Variants in NFATC2 observed in about 807,000 individuals in gnomAD.
The protein encoded by NFATC2 is nuclear factor of activated T cells 2, also known as nuclear factor of activated T-cells, cytoplasmic 2.
NFATC2 carries 22 observed loss-of-function variants against 87.3 expected under a neutral mutation model. That is an observed-to-expected ratio of 0.25 (90% CI 0.18 to 0.36). The LOEUF (loss-of-function observed/expected upper bound fraction) is 0.36, where lower values mean the gene tolerates loss of function less well. NFATC2 is among the 10% of genes least tolerant of loss of function. NFATC2 has a pLI of 1.00. For missense variants in NFATC2, 1,149 were observed against 1,259.1 expected (o/e 0.91, Z 1.32); for synonymous variants, 565 against 542.2 (o/e 1.04, Z -0.58).
chr20:51,398,696 G>GTTTTGTATCCAGCTAAGGTGT lies in NFATC2; in HGVS notation c.2736_2756dup (p.Gln918_Asn919insLysHisLeuSerTrpIleGln). Reference sequence around the variant, plus strand: ...TCACAGTCATTCTGTTTCATAATATGTTTTGTATCCAGCTAAGGTGTGTGT... The same window carrying GTTTTGTATCCAGCTAAGGTGT: ...TCACAGTCATTCTGTTTCATAATATGTTTTGTATCCAGCTAAGGTGTTTTTGTATCCAGCTAAGGTGTGTGT... On this transcript the variant is annotated inframe_insertion, in exon 10 of 11. Coordinates refer to ENST00000371564, the MANE Select transcript of NFATC2 (RefSeq NM_012340.5). The GTTTTGTATCCAGCTAAGGTGT allele has an allele frequency of 6.2e-7, 1 of 1,612,850 alleles. No homozygotes were observed. The highest frequency in any genetic ancestry group is 8.5e-7 in the Non-Finnish European group (1 of 1,179,428).
At chr20:51,409,917 A>G (rs1182319030) in intron 9 of NFATC2, among the ~76,000 whole-genome samples, 2 of 152,248 alleles carry the variant, frequency 1.3e-5, no homozygotes, top group Non-Finnish European at 2.9e-5. Context: ...AAACTTTAAC[A>G]AAAAGAAATA....
intron 1 of NFATC2, among the ~76,000 whole-genome samples, chr20:51,540,660 T>G (rs866574180): frequency 5.4e-4 from 57 of 105,848 alleles, no homozygotes; most frequent in African/African-American, 2.1e-3. Context: ...TTTTTTTTGT[T>G]TTTTTTTTTT....
At chr20:51,483,992 C>A (rs1440529853) in intron 3 of NFATC2, among the ~76,000 whole-genome samples, 1 of 151,986 alleles carries the variant, frequency 6.6e-6, no homozygotes, top group Non-Finnish European at 1.5e-5. Flanking sequence ...GCTAAAATCG[C>A]CCCAACAGCA....
chr20:51,475,173 TG>T (rs888240753), intron 4 of NFATC2, among the ~76,000 whole-genome samples: 1 of 152,136 alleles, frequency 6.6e-6, no homozygotes, highest in Non-Finnish European at 1.5e-5. Context: ...TTCACCATGC[TG>T]GCCAGGCTGG....
Position 51,432,744 on chromosome 20 carries a change from T to C in NFATC2, c.2045A>G (p.Lys682Arg). 1 of 1,579,786 alleles carries C rather than the reference T, an allele frequency of 6.3e-7. No homozygotes were observed. The highest frequency in any genetic ancestry group is 8.5e-7 in the Non-Finnish European group (1 of 1,171,226). The change falls in exon 9 of 11, where the codon AAG becomes AGG. Residue 682 changes from lysine to arginine, a missense_variant. Coordinates refer to ENST00000371564, the MANE Select transcript of NFATC2 (RefSeq NM_012340.5). This position sits in a 1 kb window ranked among gnomAD's most constrained non-coding sequence, Gnocchi z 4.6. ...HFTYHPVPAI[K>R]TEPTDEYDPT... ...GTCATATTCATCCGTGGGCTCCGTC[T>C]TGATGGCTGGGACTGGGAGGAGAAA... is the stretch of plus-strand genomic sequence containing the variant.
chr20:51,542,393 T>A lies in NFATC2; in HGVS notation c.107A>T (p.Tyr36Phe). ...DELDFSILFD[Y>F]EYLNPNEEEP... is the part of the protein sequence containing the mutation. ...ACCTTCGTTCGGATTCAAATACTCATAGTCGAAGAGGATGGAGAAGTCAAG... is the reference window on the plus strand; with the variant it reads ...ACCTTCGTTCGGATTCAAATACTCAAAGTCGAAGAGGATGGAGAAGTCAAG... The change falls in exon 1 of 11, where the codon TAT (tyrosine) becomes TTT (phenylalanine). Residue 36 changes from tyrosine (Y) to phenylalanine (F), a missense_variant. By Grantham distance (22) the Tyr-to-Phe change is conservative. Coordinates refer to ENST00000371564, the MANE Select transcript of NFATC2 (RefSeq NM_012340.5). 1 of 1,605,350 alleles carries A rather than the reference T, an allele frequency of 6.2e-7. No individual in the cohort carries two copies. The highest frequency in any genetic ancestry group is 8.5e-7 in the Non-Finnish European group (1 of 1,175,412).
At chr20:51,451,347 C>A (rs1251561790) in intron 6 of NFATC2, among the ~76,000 whole-genome samples, 1 of 152,234 alleles carries the variant, frequency 6.6e-6, no homozygotes, top group Non-Finnish European at 1.5e-5. Flanking sequence ...AAGCTGTAGA[C>A]CAGCAGTTGT....
intron 1 of NFATC2, among the ~76,000 whole-genome samples, chr20:51,554,802 A>G (rs1473164438): frequency 1.3e-5 from 2 of 152,204 alleles, no homozygotes; most frequent in Admixed American, 6.5e-5. Context: ...GGATTTGCCA[A>G]GGGACATTTC....
At chr20:51,442,293 G>A (rs12624355) in intron 6 of NFATC2, among the ~76,000 whole-genome samples, 23,371 of 152,086 alleles carry the variant, frequency 0.15, 2,227 homozygotes, top group East Asian at 0.39. Context: ...TTAGCTGGGT[G>A]TGGTGGCACG....
At chr20:51,457,724 C>T (rs374593500) in intron 5 of NFATC2, among the ~76,000 whole-genome samples, 11 of 152,184 alleles carry the variant, frequency 7.2e-5, no homozygotes, top group African/African-American at 2.7e-4. Flanking sequence ...ACATGCAGTA[C>T]ACCTCAGGCC....
At chr20:51,515,959 T>C (rs2076344736) in intron 3 of NFATC2, among the ~76,000 whole-genome samples, 1 of 152,222 alleles carries the variant, frequency 6.6e-6, no homozygotes, top group Admixed American at 6.5e-5. Context: ...AGGATACTTC[T>C]ACTTTAAGGC....
intron 10 of NFATC2, among the ~76,000 whole-genome samples, chr20:51,392,805 C>G (rs1182470791): frequency 6.6e-6 from 1 of 152,168 alleles, no homozygotes; most frequent in African/African-American, 2.4e-5. Flanking sequence ...CTGGGCCCTT[C>G]TAGGTTCAGG....
intron 9 of NFATC2, among the ~76,000 whole-genome samples, chr20:51,411,168 A>G (rs1040959598): frequency 6.6e-6 from 1 of 152,214 alleles, no homozygotes; most frequent in African/African-American, 2.4e-5. Context: ...ATCAAGGCTC[A>G]GTGAGGCAAA....
chr20:51,391,393 C>G lies in NFATC2; in HGVS notation c.*103G>C. On this transcript the variant is annotated 3_prime_UTR_variant, in exon 11 of 11. Coordinates refer to ENST00000371564, the MANE Select transcript of NFATC2 (RefSeq NM_012340.5). ...AGAAGGTGTCTTGCTATAATGGCTT[C>G]TTTTACGTCTGATTTCTGGCAGGAG... 1 of 1,443,284 alleles carries G rather than the reference C, an allele frequency of 6.9e-7. No homozygotes were observed. The highest frequency in any genetic ancestry group is 9.3e-7 in the Non-Finnish European group (1 of 1,073,706). 89.4% of individuals were successfully genotyped at this position (1,443,284 alleles called of 1,614,324 possible).
intron 3 of NFATC2, among the ~76,000 whole-genome samples, chr20:51,487,098 C>A (rs1047833928): frequency 6.6e-5 from 10 of 152,156 alleles, no homozygotes; most frequent in Non-Finnish European, 1.3e-4. Context: ...ACATTTCTCC[C>A]GGAGTTTCTC....
intron 7 of NFATC2, 128 bp downstream of exon 7, chr20:51,435,578 A>G (rs937144479): frequency 3.9e-6 from 4 of 1,015,212 alleles, no homozygotes; most frequent in Non-Finnish European, 4.4e-6. Context: ...TAATATGCAC[A>G]TATTGAGTAC....
intron 5 of NFATC2, among the ~76,000 whole-genome samples, chr20:51,460,639 C>CTT (rs11479407): frequency 6.9e-6 from 1 of 145,746 alleles, no homozygotes; most frequent in African/African-American, 2.5e-5. Context: ...GTTTCTTCTT[C>CTT]TTTTTTTTTT....
At position 51,398,702 on chromosome 20, in the gene NFATC2, T is replaced by G. The variant is rs765355692; in HGVS notation, c.2751A>C (p.Ile917=). ...TCATTCTGTTTCATAATATGTTTTG[T>G]ATCCAGCTAAGGTGTGTGTCTATCA... ...DELIDTHLSW[I]QNIL Residue 917 remains isoleucine, a synonymous_variant, in exon 10 of 11, where the codon ATA becomes ATC. Coordinates refer to ENST00000371564, the MANE Select transcript of NFATC2 (RefSeq NM_012340.5). The G allele has an allele frequency of 2.5e-6, 4 of 1,613,348 alleles. No homozygotes were observed. In the East Asian group the frequency reaches 8.9e-5, roughly 36 times the overall value.
chr20:51,471,179 G>A (rs1254698474), intron 5 of NFATC2, among the ~76,000 whole-genome samples: 1 of 152,196 alleles, frequency 6.6e-6, no homozygotes, highest in African/African-American at 2.4e-5. Flanking sequence ...CAAAGTCTTA[G>A]ATCGACATAA....
Sources: allele counts gnomAD v4.1 joint callset (sites outside exome capture counted in the v4.1 genomes callset), GRCh38; gene constraint gnomAD v4.1.1; non-coding constraint Gnocchi (gnomAD v3.1); transcripts MANE v1.5; gene names NCBI Gene and HGNC (gene_info 2026-07-23, HGNC 2026-07-21).